Variants in GALNTL6 observed in about 807,000 individuals in gnomAD.
GALNTL6 encodes the protein polypeptide N-acetylgalactosaminyltransferase-like 6.
Under a neutral mutation model 73.7 loss-of-function variants are expected in GALNTL6, and 46 were observed. The ratio of observed to expected loss-of-function variants is 0.62; its 90% CI spans 0.49 to 0.80. The LOEUF is 0.80. GALNTL6 is among the 30% of genes least tolerant of loss of function. The probability of loss-of-function intolerance (pLI) is 0.00; values close to 1 mark genes in which losing one functional copy is unlikely to be tolerated. For synonymous variants in GALNTL6, 259 were observed against 263.7 expected, an observed-to-expected ratio of 0.98 and a Z score of 0.17; for missense variants, 604 against 755.0, an observed-to-expected ratio of 0.80 and a Z score of 2.34.
intron 8 of GALNTL6, among the ~76,000 whole-genome samples, chr4:172,889,280 C>A (rs1745892271): frequency 6.6e-6 from 1 of 152,172 alleles, no homozygotes; most frequent in Admixed American, 6.5e-5. Flanking sequence ...CTAAGTAGGA[C>A]TACCAGTACT....
At chr4:173,020,496 G>A (rs1379114436) in intron 11 of GALNTL6, among the ~76,000 whole-genome samples, 2 of 152,130 alleles carry the variant, frequency 1.3e-5, no homozygotes, top group African/African-American at 2.4e-5. Flanking sequence ...ATCAAGGGAG[G>A]TCTCTGTGTG....
intron 5 of GALNTL6, among the ~76,000 whole-genome samples, chr4:172,627,636 C>A (rs941883951): frequency 6.6e-6 from 1 of 150,980 alleles, no homozygotes; most frequent in South Asian, 2.1e-4. Context: ...GAGCTTTTTG[C>A]GTTGGTAGGT....
At chr4:172,595,351 CGAACT>C (rs1392696402) in intron 5 of GALNTL6, among the ~76,000 whole-genome samples, 4 of 152,110 alleles carry the variant, frequency 2.6e-5, no homozygotes, top group Non-Finnish European at 4.4e-5. Context: ...TGAGTCATTA[CGAACT>C]AGGCTTATCT....
At chr4:171,999,759 T>TA (rs11439572) in intron 2 of GALNTL6, among the ~76,000 whole-genome samples, 130,687 of 151,748 alleles carry the variant, frequency 0.86, 58,080 homozygotes, top group South Asian at 0.98. Context: ...ACTCTGAAAT[T>TA]AAAAAAAAGT....
At chr4:172,720,730 TCAATGCA>T (rs535461479) in intron 5 of GALNTL6, among the ~76,000 whole-genome samples, 175 of 152,368 alleles carry the variant, frequency 1.1e-3, no homozygotes, top group Non-Finnish European at 1.9e-3. Flanking sequence ...GTGGCCTTAT[TCAATGCA>T]TTACTCTTTA....
intron 2 of GALNTL6, among the ~76,000 whole-genome samples, chr4:172,002,442 A>G (rs935783240): frequency 6.6e-6 from 1 of 152,090 alleles, no homozygotes; most frequent in East Asian, 1.9e-4. Context: ...TTGATCTTGA[A>G]CTTGCCAGAC....
chr4:172,945,077 A>AG (rs1429710680), intron 9 of GALNTL6, among the ~76,000 whole-genome samples: 3 of 151,872 alleles, frequency 2.0e-5, no homozygotes. Flanking sequence ...AAAAAAGAAA[A>AG]AAAAAGAATA....
chr4:171,854,128 T>A (rs1735613228), intron 2 of GALNTL6, among the ~76,000 whole-genome samples: 1 of 152,172 alleles, frequency 6.6e-6, no homozygotes, highest in African/African-American at 2.4e-5. Context: ...AGATGTTGGA[T>A]CTTGCTCATC....
At chr4:172,714,125 T>G (rs1734902951) in intron 5 of GALNTL6, among the ~76,000 whole-genome samples, 1 of 152,004 alleles carries the variant, frequency 6.6e-6, no homozygotes, top group Non-Finnish European at 1.5e-5. Context: ...AATAAGAGGG[T>G]TTGTTTTGGG....
chr4:172,379,955 AT>A (rs1485642964), intron 5 of GALNTL6: 10 of 725,818 alleles, frequency 1.4e-5, no homozygotes, highest in Admixed American at 2.3e-5. Context: ...GACCTTGTCC[AT>A]TAAATGTAAA....
intron 2 of GALNTL6, among the ~76,000 whole-genome samples, chr4:172,097,739 A>C (rs1020382789): frequency 2.6e-5 from 4 of 152,216 alleles, no homozygotes; most frequent in African/African-American, 9.6e-5. Context: ...AAAGAAAAGC[A>C]AATCCATATT....
intron 5 of GALNTL6, among the ~76,000 whole-genome samples, chr4:172,630,739 G>A (rs149718652): frequency 2.1e-3 from 314 of 149,530 alleles, no homozygotes; most frequent in African/African-American, 7.4e-3. Flanking sequence ...TATAAATAAC[G>A]TATATGCATT....
chr4:171,989,684 A>G (rs940163654), intron 2 of GALNTL6, among the ~76,000 whole-genome samples: 1 of 152,210 alleles, frequency 6.6e-6, no homozygotes, highest in African/African-American at 2.4e-5. Flanking sequence ...AATGTTAATT[A>G]AGTCCTGTTG....
chr4:171,938,543 T>C (rs1291317282), intron 2 of GALNTL6, among the ~76,000 whole-genome samples: 1 of 152,162 alleles, frequency 6.6e-6, no homozygotes, highest in Non-Finnish European at 1.5e-5. Flanking sequence ...AAAAAAATCA[T>C]CTGTGTAAGT....
At chr4:172,435,389 G>C (rs1731598432) in intron 5 of GALNTL6, among the ~76,000 whole-genome samples, 1 of 152,106 alleles carries the variant, frequency 6.6e-6, no homozygotes, top group Admixed American at 6.6e-5. Context: ...ACTTAGTTAA[G>C]GTATGCTGTC....
intron 5 of GALNTL6, among the ~76,000 whole-genome samples, chr4:172,808,917 A>C (rs191783759): frequency 2.6e-5 from 4 of 152,310 alleles, no homozygotes; most frequent in African/African-American, 9.6e-5. Flanking sequence ...ACAGATATTT[A>C]TCTTTCCTGT....
At chr4:172,671,976 C>T (rs572303115) in intron 5 of GALNTL6, among the ~76,000 whole-genome samples, 22 of 152,094 alleles carry the variant, frequency 1.4e-4, no homozygotes, top group African/African-American at 4.3e-4. Flanking sequence ...CTGCAACCTC[C>T]GCATCCCAGG....
intron 8 of GALNTL6, among the ~76,000 whole-genome samples, chr4:172,912,966 G>A (rs1192103463): frequency 6.6e-6 from 1 of 152,186 alleles, no homozygotes; most frequent in Non-Finnish European, 1.5e-5. Flanking sequence ...ACACCTCCCA[G>A]TAGGGGCCGA....
Position 172,927,345 on chromosome 4 carries a change from T to C in GALNTL6, c.1042-3816T>C, listed in dbSNP as rs142238072. Among the ~76,000 whole-genome samples, 657 of 152,364 alleles carry C rather than the reference T, an allele frequency of 4.3e-3. 6 individuals are homozygous for C. The highest frequency in any genetic ancestry group is 0.015 in the African/African-American group (618 of 41,586). On this transcript the variant is annotated intron_variant, in intron 8 of 12. Transcript: ENST00000506823. ...CATGGAAATTGCTGAGTCCTAGCTCTGTATCCCGTACAATAGAATAAGATG... is the reference window on the plus strand; with the variant it reads ...CATGGAAATTGCTGAGTCCTAGCTCCGTATCCCGTACAATAGAATAAGATG...
Sources: gnomAD v4.1 joint callset for allele counts (sites outside exome capture counted in the v4.1 genomes callset) on GRCh38, gnomAD v4.1.1 for gene constraint, MANE v1.5 for transcripts, NCBI Gene and HGNC (gene_info 2026-07-23, HGNC 2026-07-21) for gene names.